The following ABCC12 variants were observed in gnomAD, a reference collection of about 807,000 sequenced individuals.
ABCC12 encodes the protein ATP-binding cassette sub-family C member 12.
In ABCC12, 142 loss-of-function variants were observed where a neutral mutation model predicts 151.1. The observed-to-expected ratio is 0.94, with a 90% CI of 0.82 to 1.08. ABCC12 has a LOEUF of 1.08. Among genes scored for constraint, ABCC12 ranks in the 50% least tolerant of loss-of-function variants. The pLI, the probability that ABCC12 is intolerant of heterozygous loss-of-function variation, is 0.00. For missense variants in ABCC12, 1,638 were observed against 1,691.1 expected (o/e 0.97, Z 0.55); for synonymous variants, 645 against 646.4 (o/e 1.00, Z 0.03).
In ABCC12 at chr16:48,083,530, G is replaced by A; in HGVS notation, c.*185C>T. The A allele has an allele frequency of 1.5e-6, 1 of 677,770 alleles. No homozygotes were observed. The highest frequency in any genetic ancestry group is 2.5e-6 in the Non-Finnish European group (1 of 399,092). 42.0% of individuals were successfully genotyped at this position (677,770 alleles called of 1,614,324 possible). On this transcript the variant is annotated 3_prime_UTR_variant, in exon 31 of 31. Transcript: ENST00000311303. Reference sequence around the variant, plus strand: ...GTTCACCACCCAGAACCAACCCCAAGCCCACCAAGTGGGGTGACATGGACT... The same window carrying A: ...GTTCACCACCCAGAACCAACCCCAAACCCACCAAGTGGGGTGACATGGACT...
rs764222617 is a variant in ABCC12 at position 48,096,836 on chromosome 16, G to T, written c.3105C>A (p.Ile1035=). ...CCAACAAGGCCACAGTGAAGGTAAG[G>T]ATGTTCATGAGGACATCCATTCTCA... ...FALRMDVLMN[I]LTFTVALLVT... is the part of the protein sequence containing the mutation. The change falls in exon 24 of 31, where the codon ATC becomes ATA. Residue 1035 remains isoleucine (I), a synonymous_variant. Transcript: ENST00000311303. 1 of 1,614,168 alleles carries T rather than the reference G, an allele frequency of 6.2e-7. No homozygotes were observed. Among genetic ancestry groups the T allele is most frequent in the South Asian group, 1.1e-5 (1 of 91,076 alleles).
At chr16:48,110,785 A>G (rs1268821489) in intron 18 of ABCC12, among the ~76,000 whole-genome samples, 1 of 151,944 alleles carries the variant, frequency 6.6e-6, no homozygotes, top group African/African-American at 2.4e-5. Context: ...TGTTTCTCTC[A>G]CCCAAATTCC....
chr16:48,143,781 G>A (rs542168795), intron 4 of ABCC12, 129 bp downstream of exon 4: 3 of 1,215,278 alleles, frequency 2.5e-6, no homozygotes, highest in Non-Finnish European at 3.4e-6. Context: ...ATGATTGTGA[G>A]GCCTCCCCAG....
intron 22 of ABCC12, among the ~76,000 whole-genome samples, chr16:48,101,275 A>T (rs1328199395): frequency 6.6e-6 from 1 of 152,126 alleles, no homozygotes; most frequent in Non-Finnish European, 1.5e-5. Flanking sequence ...CTCGCTCCAC[A>T]AGGCGTGATT....
intron 9 of ABCC12, among the ~76,000 whole-genome samples, chr16:48,131,372 T>A (rs1346403781): frequency 3.9e-5 from 6 of 152,140 alleles, no homozygotes; most frequent in Admixed American, 2.6e-4. Context: ...AGGGACCTGC[T>A]TGCCCCTGGG....
rs146184277 is a variant in ABCC12, at chr16:48,131,642, T to A, written c.1129-747A>T. On this transcript the variant is annotated intron_variant, in intron 9 of 30. Coordinates refer to ENST00000311303, the MANE Select transcript of ABCC12 (RefSeq NM_001393797.1). The stretch of plus-strand genomic sequence containing the variant: ...CCCCGGGGGTACATGATTTCATCTC[T>A]CCAATTTCATCTTCTCATCTGTCCA... Among the ~76,000 whole-genome samples, 461 of 152,274 alleles carry A rather than the reference T, an allele frequency of 3.0e-3. 1 individual carries two copies. The highest frequency in any genetic ancestry group is 0.011 in the African/African-American group (439 of 41,552).
rs141495966 is a variant in ABCC12, at chr16:48,131,093, T to C, written c.1129-198A>G. Among the ~76,000 whole-genome samples, 1,090 of 152,324 alleles carry C rather than the reference T, an allele frequency of 7.2e-3. 14 individuals are homozygous for C. The highest frequency in any genetic ancestry group is 0.025 in the African/African-American group (1,040 of 41,576). Reference sequence around the variant, plus strand: ...GGACAGCAGCATCTTAAATCTATTTTGCTTTGGGATTTTCACCAAAATGGT... The same window carrying C: ...GGACAGCAGCATCTTAAATCTATTTCGCTTTGGGATTTTCACCAAAATGGT... On this transcript the variant is annotated intron_variant, in intron 9 of 30. Coordinates refer to ENST00000311303, the MANE Select transcript of ABCC12 (RefSeq NM_001393797.1).
At chr16:48,112,091 C>T (rs1015380337) in intron 15 of ABCC12, among the ~76,000 whole-genome samples, 181 bp from the exon 16 acceptor site, 7 of 152,096 alleles carry the variant, frequency 4.6e-5, no homozygotes, top group African/African-American at 1.2e-4. Flanking sequence ...CACTAGATGT[C>T]GGTAGCACCC....
chr16:48,106,190 G>A (rs928761753), intron 20 of ABCC12, among the ~76,000 whole-genome samples: 7 of 152,212 alleles, frequency 4.6e-5, no homozygotes, highest in Non-Finnish European at 7.3e-5. Flanking sequence ...GATGAACATC[G>A]TTAAAAGCAA....
chr16:48,120,035 A>G (rs556428913), intron 13 of ABCC12, among the ~76,000 whole-genome samples: 1 of 152,342 alleles, frequency 6.6e-6, no homozygotes, highest in African/African-American at 2.4e-5. Flanking sequence ...AAGCTAAGCA[A>G]AGAACCATAG....
intron 2 of ABCC12, among the ~76,000 whole-genome samples, chr16:48,152,600 G>C (rs759226583): frequency 3.3e-5 from 5 of 152,176 alleles, no homozygotes; most frequent in Admixed American, 6.5e-5. Context: ...AATTATTTGG[G>C]GGAGAATCAT....
In ABCC12 at chr16:48,108,397, A is replaced by T. The variant is rs746466297; in HGVS notation, c.2371+43T>A. 7.7e-6 allele frequency: 12 copies of T among 1,561,294 alleles called. 1 individual carries two copies. The highest frequency in any genetic ancestry group is 5.6e-5 in the South Asian group (5 of 88,614). Reference sequence around the variant, plus strand: ...CCCAACAGTTTAAGACAGGATTTTTAAAATGCAAATTAAATCAAGAAACTT... The same window carrying T: ...CCCAACAGTTTAAGACAGGATTTTTTAAATGCAAATTAAATCAAGAAACTT... On this transcript the variant is annotated intron_variant, in intron 19 of 30. Coordinates refer to ENST00000311303, the MANE Select transcript of ABCC12 (RefSeq NM_001393797.1).
intron 10 of ABCC12, among the ~76,000 whole-genome samples, chr16:48,129,583 G>C (rs1964354213): frequency 6.6e-6 from 1 of 152,176 alleles, no homozygotes; most frequent in Non-Finnish European, 1.5e-5. Flanking sequence ...GGAGAGCCTG[G>C]AGGGGACAAG....
At chr16:48,096,082 T>G (rs1047902365) in intron 24 of ABCC12, among the ~76,000 whole-genome samples, 1 of 152,168 alleles carries the variant, frequency 6.6e-6, no homozygotes, top group East Asian at 1.9e-4. Context: ...GGAAATGAAT[T>G]AATTTAGTTA....
chr16:48,128,733 A>C lies in ABCC12; in HGVS notation c.1241T>G (p.Ile414Ser). Residue 414 changes from isoleucine (I) to serine (S), a missense_variant, in exon 11 of 31, where the codon ATT becomes AGT. Transcript: ENST00000311303. The part of the protein sequence containing the change: ...ANVSLRRMKK[I>S]LIDKSPPSYI... ...AGATGGGGGGCTTTTATCTATGAGAATTTTCTAAGATTAAAGAGACAAAAT... is the reference window on the plus strand; with the variant it reads ...AGATGGGGGGCTTTTATCTATGAGACTTTTCTAAGATTAAAGAGACAAAAT... 1.2e-6 allele frequency: 2 copies of C among 1,611,428 alleles called. No homozygotes were observed. Among genetic ancestry groups the C allele is most frequent in the Non-Finnish European group, 1.7e-6 (2 of 1,179,392 alleles).
At chr16:48,101,497 G>T (rs988646097) in intron 22 of ABCC12, among the ~76,000 whole-genome samples, 1 of 151,896 alleles carries the variant, frequency 6.6e-6, no homozygotes, top group African/African-American at 2.4e-5. Flanking sequence ...AACACCCACG[G>T]GATGCAGCTC....
At chr16:48,098,882 A>C (rs936338776) in intron 23 of ABCC12, among the ~76,000 whole-genome samples, 1 of 152,164 alleles carries the variant, frequency 6.6e-6, no homozygotes. Flanking sequence ...GGGAAGACAA[A>C]GTTTGCATGT....
In ABCC12 at chr16:48,138,216, C is replaced by T. The variant is rs1567456753; in HGVS notation, c.979+12G>A. 5 of 1,593,458 alleles carry T rather than the reference C, an allele frequency of 3.1e-6. No homozygotes were observed. In the East Asian group the frequency reaches 6.7e-5, roughly 21 times the overall value. On this transcript the variant is annotated intron_variant, in intron 8 of 30. Transcript: ENST00000311303. ...AGGTAAGTGGTTCTTTAAGCAGCTACTCTTGTCCTACCTTGGATAGTGTTG... is the reference window on the plus strand; with the variant it reads ...AGGTAAGTGGTTCTTTAAGCAGCTATTCTTGTCCTACCTTGGATAGTGTTG...
chr16:48,139,377 A>G, intron 6 of ABCC12, 41 bp from the exon 7 acceptor site: 2 of 1,554,982 alleles, frequency 1.3e-6, no homozygotes, highest in South Asian at 2.5e-5. Context: ...TGGAAGAGTC[A>G]GTCAAACATG....
Sources: gnomAD v4.1 joint callset for allele counts (sites outside exome capture counted in the v4.1 genomes callset) on GRCh38, gnomAD v4.1.1 for gene constraint, MANE v1.5 for transcripts, NCBI Gene and HGNC (gene_info 2026-07-23, HGNC 2026-07-21) for gene names.